APIP: variants seen among roughly 807,000 people sequenced by gnomAD.
APIP encodes methylthioribulose-1-phosphate dehydratase.
In APIP, 32 loss-of-function variants were observed where a neutral mutation model predicts 32.0. That is an observed-to-expected ratio of 1.00 (90% CI 0.76 to 1.34). The LOEUF (loss-of-function observed/expected upper bound fraction) is 1.34, where lower values mean the gene tolerates loss of function less well. APIP is among the 40% of genes most tolerant of loss of function. APIP has a pLI of 0.00. For synonymous variants in APIP, 92 were observed against 94.8 expected, an observed-to-expected ratio of 0.97 and a Z score of 0.17; for missense variants, 247 against 298.6, an observed-to-expected ratio of 0.83 and a Z score of 1.27.
chr11:34,888,158 G>A (rs373733779), intron 5 of APIP, 135 bp downstream of exon 5: 4 of 880,712 alleles, frequency 4.5e-6, no homozygotes, highest in East Asian at 3.1e-5. Flanking sequence ...GTCTAGAAGT[G>A]TAATATTAAA....
chr11:34,898,845 C>A (rs1853330223), intron 1 of APIP, among the ~76,000 whole-genome samples: 1 of 119,298 alleles, frequency 8.4e-6, no homozygotes, highest in South Asian at 3.0e-4. Flanking sequence ...TTCGCCCAGG[C>A]TGGAGTGCAG....
At position 34,894,994 on chromosome 11, in the gene APIP, G is replaced by T. The variant is rs765529205; in HGVS notation, c.158+16C>A. 7 of 1,602,042 alleles carry T rather than the reference G, an allele frequency of 4.4e-6. No homozygotes were observed. The South Asian group carries it at 7.7e-5, about 18-fold the overall frequency. Reference sequence around the variant, plus strand: ...AAATGGAGAGTTCCCAGTAATAAAGGCTGCCAGAAACTTACCCATGCTTCA... The same window carrying T: ...AAATGGAGAGTTCCCAGTAATAAAGTCTGCCAGAAACTTACCCATGCTTCA... On this transcript the variant is annotated intron_variant, in intron 2 of 6. Coordinates refer to ENST00000395787, the MANE Select transcript of APIP (RefSeq NM_015957.4).
chr11:34,895,337 GTCCAACA>G (rs1853251659), intron 1 of APIP, among the ~76,000 whole-genome samples: 1 of 152,180 alleles, frequency 6.6e-6, no homozygotes, highest in Non-Finnish European at 1.5e-5. Flanking sequence ...GGGCCATATA[GTCCAACA>G]CTAAGGAACA....
chr11:34,883,599 G>A (rs1590700400), intron 5 of APIP, 95 bp from the exon 6 acceptor site: 10 of 1,231,246 alleles, frequency 8.1e-6, no homozygotes, highest in African/African-American at 3.0e-5. Flanking sequence ...AGTTAGACAT[G>A]CTGTTTGTGT....
intron 1 of APIP, among the ~76,000 whole-genome samples, chr11:34,896,522 T>C (rs565348354): frequency 6.6e-6 from 1 of 151,990 alleles, no homozygotes; most frequent in Admixed American, 6.5e-5. Context: ...ATTTGAACAA[T>C]GAGAACACAT....
chr11:34,916,270 A>G lies in APIP; in HGVS notation c.15T>C (p.Asp5=), dbSNP rs1853689496. The change falls in exon 1 of 7, where the codon GAT becomes GAC. Residue 5 remains aspartate (D), a synonymous_variant. Coordinates refer to ENST00000395787, the MANE Select transcript of APIP (RefSeq NM_015957.4). The part of the protein sequence containing the change: MSGC[D]AREGDCCSRR... Reference sequence around the variant, plus strand: ...GGGAACAACAGTCTCCCTCCCGAGCATCACAGCCAGACATGGCCCAGACCA... The same window carrying G: ...GGGAACAACAGTCTCCCTCCCGAGCGTCACAGCCAGACATGGCCCAGACCA... 3 of 1,612,560 alleles carry G rather than the reference A, an allele frequency of 1.9e-6. No homozygotes were observed. Among genetic ancestry groups the G allele is most frequent in the Admixed American group, 3.3e-5 (2 of 59,958 alleles).
intron 1 of APIP, among the ~76,000 whole-genome samples, chr11:34,911,731 G>A (rs1853554947): frequency 6.6e-6 from 1 of 152,074 alleles, no homozygotes; most frequent in Admixed American, 6.5e-5. Flanking sequence ...GCATATGCTG[G>A]CCCTAGTATC....
At chr11:34,907,541 C>T (rs2133921472) in intron 1 of APIP, among the ~76,000 whole-genome samples, 1 of 152,138 alleles carries the variant, frequency 6.6e-6, no homozygotes, top group East Asian at 1.9e-4. Context: ...ACTTAGCAGG[C>T]ACCAACAGAG....
At chr11:34,897,815 A>G (rs2915218) in intron 1 of APIP, among the ~76,000 whole-genome samples, 121,272 of 151,862 alleles carry the variant, frequency 0.8, 48,611 homozygotes, top group East Asian at 0.83. Flanking sequence ...TAGGGTGGGA[A>G]GGCTAGTTTT....
chr11:34,890,474 C>A (rs768231012), intron 3 of APIP, 30 bp downstream of exon 3: 20 of 1,582,924 alleles, frequency 1.3e-5, no homozygotes, highest in Admixed American at 1.8e-5. Flanking sequence ...GAAGAAAAGA[C>A]ACTGAGGTTA....
intron 6 of APIP, 90 bp downstream of exon 6, chr11:34,883,247 A>C: frequency 7.6e-7 from 1 of 1,316,050 alleles, no homozygotes; most frequent in Non-Finnish European, 1.0e-6. Flanking sequence ...AATGATAAAC[A>C]ATTTAAATTT....
chr11:34,890,619 A>C (rs1303846537), intron 2 of APIP, 67 bp from the exon 3 acceptor site: 1 of 1,532,746 alleles, frequency 6.5e-7, no homozygotes, highest in Non-Finnish European at 9.0e-7. Context: ...AAAAGTTTGC[A>C]GTCCAATCAT....
chr11:34,893,421 TATAA>T (rs1353098095), intron 2 of APIP, among the ~76,000 whole-genome samples: 2 of 152,216 alleles, frequency 1.3e-5, no homozygotes, highest in Non-Finnish European at 2.9e-5. Context: ...TATGATTTAT[TATAA>T]ATAATACAGT....
At chr11:34,905,651 GGA>G (rs1853437379) in intron 1 of APIP, among the ~76,000 whole-genome samples, 3 of 152,192 alleles carry the variant, frequency 2.0e-5, no homozygotes, top group Admixed American at 2.0e-4. Context: ...TATTTAGGGA[GGA>G]GAGTGCAACA....
At chr11:34,898,786 G>GTTTTTTTTTT (rs57593563) in intron 1 of APIP, among the ~76,000 whole-genome samples, 2 of 55,166 alleles carry the variant, frequency 3.6e-5, no homozygotes, top group Non-Finnish European at 6.2e-5. Flanking sequence ...TCTTTCTTTG[G>GTTTTTTTTTT]TTTTTTTTTT....
chr11:34,890,604 CA>C, intron 2 of APIP, 52 bp from the exon 3 acceptor site: 8 of 1,592,564 alleles, frequency 5.0e-6, no homozygotes, highest in Non-Finnish European at 6.9e-6. Flanking sequence ...TGCTTTTGCA[CA>C]AAGAAAAGTT....
rs1853315409 is a variant in APIP, at chr11:34,898,471, C to T, written c.58-3361G>A. ...ACACACCCTGGCGTTATTCAAAGGCCTCTGGGTCGGACCCAGCCTCCAACA... is the reference window on the plus strand; with the variant it reads ...ACACACCCTGGCGTTATTCAAAGGCTTCTGGGTCGGACCCAGCCTCCAACA... On this transcript the variant is annotated intron_variant, in intron 1 of 6. Transcript: ENST00000395787. Among the ~76,000 whole-genome samples the T allele has an allele frequency of 2.0e-5, 3 of 152,148 alleles. No individual in the cohort carries two copies. In the South Asian group the frequency reaches 6.2e-4, roughly 32 times the overall value.
chr11:34,910,321 G>A (rs1853526082), intron 1 of APIP, among the ~76,000 whole-genome samples: 2 of 152,198 alleles, frequency 1.3e-5, no homozygotes, highest in African/African-American at 2.4e-5. Flanking sequence ...ATCGCAGTGA[G>A]CTTCACTCAC....
chr11:34,883,367 C>T lies in APIP; in HGVS notation c.599G>A (p.Trp200Ter), dbSNP rs745603170. The change falls in exon 6 of 7, where the codon TGG becomes TAG. Residue 200 changes from tryptophan (W) to a stop codon, truncating the protein, a stop_gained. Transcript: ENST00000395787. LOFTEE classifies it high-confidence loss of function. ...TTTGGCCTTCTCCCATGTTTCCCCC[C>T]ACACATATACTCCATGACGTCTGAC... ...VLVRRHGVYVWGETWEKAKTM... is the reference protein window; with the variant it reads ...VLVRRHGVYV 3.1e-6 allele frequency: 5 copies of T among 1,611,982 alleles called. No individual in the cohort carries two copies. The South Asian group carries it at 3.3e-5, about 11-fold the overall frequency.
Sources: allele counts gnomAD v4.1 joint callset (sites outside exome capture counted in the v4.1 genomes callset), GRCh38; gene constraint gnomAD v4.1.1; transcripts MANE v1.5; gene names NCBI Gene and HGNC (gene_info 2026-07-23, HGNC 2026-07-21).